CDK14: variants seen among roughly 807,000 people sequenced by gnomAD.
CDK14 encodes the protein cyclin-dependent kinase 14.
CDK14 carries 34 observed loss-of-function variants against 60.7 expected under a neutral mutation model. The observed-to-expected ratio is 0.56, with a 90% CI of 0.43 to 0.75. The LOEUF is 0.75. Ranked by LOEUF, CDK14 falls within the 30% of genes least tolerant of loss-of-function variation. The pLI is 0.00. For missense variants in CDK14, 482 were observed against 564.1 expected, an observed-to-expected ratio of 0.85 and a Z score of 1.47; for synonymous variants, 197 against 203.7, an observed-to-expected ratio of 0.97 and a Z score of 0.28.
At chr7:91,038,225 G>A (rs1435409555) in intron 10 of CDK14, among the ~76,000 whole-genome samples, 1 of 152,192 alleles carries the variant, frequency 6.6e-6, no homozygotes, top group East Asian at 1.9e-4. Context: ...TTTTAAAAAG[G>A]TTAGTTTAAC....
intron 6 of CDK14, among the ~76,000 whole-genome samples, chr7:90,863,607 A>G (rs942663389): frequency 1.3e-5 from 2 of 151,956 alleles, no homozygotes; most frequent in Non-Finnish European, 2.9e-5. Context: ...CTCATAGGCA[A>G]TAAGAATGGT....
At chr7:90,674,921 C>T (rs1388640214) in intron 2 of CDK14, among the ~76,000 whole-genome samples, 1 of 152,226 alleles carries the variant, frequency 6.6e-6, no homozygotes, top group African/African-American at 2.4e-5. Flanking sequence ...CTCTGTCCAT[C>T]TGGAATATTT....
Position 91,174,486 on chromosome 7 carries a change from G to C in CDK14, c.*29-32679G>C, listed in dbSNP as rs549419366. 1.9e-3 allele frequency among the ~76,000 whole-genome samples: 285 copies of C among 152,048 alleles called. 1 individual carries two copies. Among genetic ancestry groups the C allele is most frequent in the African/African-American group, 6.4e-3 (265 of 41,496 alleles). ...GACTTTGACGAGCTGAGAGAAGAAGGCTTCAGACGGTCAAATTACTCTGAG... is the reference window on the plus strand; with the variant it reads ...GACTTTGACGAGCTGAGAGAAGAAGCCTTCAGACGGTCAAATTACTCTGAG... On this transcript the variant is annotated intron_variant, in intron 14 of 14. Transcript: ENST00000380050.
At chr7:91,158,221 A>T (rs1219331017) in intron 14 of CDK14, among the ~76,000 whole-genome samples, 1 of 149,938 alleles carries the variant, frequency 6.7e-6, no homozygotes, top group African/African-American at 2.4e-5. Context: ...TGGCAAATAT[A>T]TATTTTGTAT....
chr7:91,112,684 G>A lies in CDK14; in HGVS notation c.1294+3G>A, dbSNP rs766393810. The A allele has an allele frequency of 8.7e-6, 14 of 1,613,162 alleles. No individual in the cohort carries two copies. In the South Asian group the frequency reaches 1.5e-4, roughly 18 times the overall value. ...ACGGCTATGGGAACTCACCGACAGT[G>A]AGTATGACAAATCCACAACATCCAG... On this transcript the variant is annotated splice_donor_region_variant and intron_variant, in intron 13 of 14. Coordinates refer to ENST00000380050, the MANE Select transcript of CDK14 (RefSeq NM_001287135.2).
chr7:91,062,350 G>A (rs776546026), intron 11 of CDK14, among the ~76,000 whole-genome samples: 3 of 152,112 alleles, frequency 2.0e-5, no homozygotes, highest in Non-Finnish European at 4.4e-5. Context: ...GCACTTCCCG[G>A]GTGAGGTGAT....
intron 10 of CDK14, among the ~76,000 whole-genome samples, chr7:91,013,137 A>G (rs1217252958): frequency 6.6e-6 from 1 of 152,208 alleles, no homozygotes; most frequent in African/African-American, 2.4e-5. Context: ...GAAGTTCCCA[A>G]ACACAGGCCT....
intron 8 of CDK14, among the ~76,000 whole-genome samples, chr7:90,949,178 G>A (rs1227511618): frequency 2.0e-5 from 3 of 151,960 alleles, no homozygotes; most frequent in African/African-American, 4.8e-5. Flanking sequence ...GTGTGTGTGT[G>A]TATAGTTTTT....
chr7:91,008,745 T>G (rs2115798922), intron 10 of CDK14, among the ~76,000 whole-genome samples: 1 of 152,348 alleles, frequency 6.6e-6, no homozygotes, highest in African/African-American at 2.4e-5. Flanking sequence ...AAAGAGGGTA[T>G]TGAGTTAACT....
At chr7:91,122,938 A>G (rs931433876) in intron 14 of CDK14, among the ~76,000 whole-genome samples, 1 of 152,144 alleles carries the variant, frequency 6.6e-6, no homozygotes, top group Non-Finnish European at 1.5e-5. Context: ...TGGTTGGCCA[A>G]CCTGTTTTTA....
chr7:90,995,831 G>A (rs1309556914), intron 10 of CDK14, among the ~76,000 whole-genome samples: 3 of 152,134 alleles, frequency 2.0e-5, no homozygotes, highest in Admixed American at 1.3e-4. Flanking sequence ...CCCCACTGAG[G>A]ATTCTGAATC....
At chr7:90,910,161 CT>C (rs1361473894) in intron 7 of CDK14, among the ~76,000 whole-genome samples, 6 of 152,152 alleles carry the variant, frequency 3.9e-5, no homozygotes, top group Admixed American at 1.3e-4. Context: ...GGTTTTATTT[CT>C]CTTTTTTTAT....
At chr7:91,070,478 G>T (rs549188142) in intron 11 of CDK14, among the ~76,000 whole-genome samples, 1 of 152,166 alleles carries the variant, frequency 6.6e-6, no homozygotes, top group Non-Finnish European at 1.5e-5. Context: ...AAATGTTCAG[G>T]CTGGGCTTTG....
chr7:90,762,910 A>C (rs1274378395), intron 4 of CDK14, among the ~76,000 whole-genome samples: 4 of 151,900 alleles, frequency 2.6e-5, no homozygotes, highest in South Asian at 2.1e-4. Flanking sequence ...AATTGCTTGA[A>C]CCCGGAGGCA....
intron 12 of CDK14, among the ~76,000 whole-genome samples, chr7:91,088,283 C>A (rs2116257764): frequency 6.6e-6 from 1 of 152,270 alleles, no homozygotes; most frequent in East Asian, 1.9e-4. Flanking sequence ...AGTAACTGGC[C>A]TTTTTCTTTT....
chr7:91,148,969 A>T (rs761597917), intron 14 of CDK14, among the ~76,000 whole-genome samples: 15 of 152,088 alleles, frequency 9.9e-5, no homozygotes, highest in Non-Finnish European at 1.8e-4. Flanking sequence ...TGGAGTGGAG[A>T]CCTAATGATT....
chr7:90,640,362 C>G (rs17869341), intron 2 of CDK14, among the ~76,000 whole-genome samples: 2,795 of 151,932 alleles, frequency 0.018, 82 homozygotes, highest in African/African-American at 0.063. Context: ...ATATTAAAGC[C>G]TAGAGTTTTG....
intron 2 of CDK14, among the ~76,000 whole-genome samples, chr7:90,672,694 T>G (rs1355633176): frequency 1.3e-5 from 2 of 151,772 alleles, no homozygotes; most frequent in African/African-American, 2.4e-5. Flanking sequence ...TAATTTTTTA[T>G]TTTTAGTTTT....
chr7:90,998,393 T>C (rs1414558155), intron 10 of CDK14, among the ~76,000 whole-genome samples: 1 of 151,512 alleles, frequency 6.6e-6, no homozygotes, highest in Non-Finnish European at 1.5e-5. Flanking sequence ...AAATCCATTC[T>C]TTTTTTTTGA....
Sources: gnomAD v4.1 joint callset for allele counts (sites outside exome capture counted in the v4.1 genomes callset) on GRCh38, gnomAD v4.1.1 for gene constraint, MANE v1.5 for transcripts, NCBI Gene and HGNC (gene_info 2026-07-23, HGNC 2026-07-21) for gene names.